Variants in DPYSL5 observed in about 807,000 individuals in gnomAD.
DPYSL5 encodes the protein dihydropyrimidinase like 5.
DPYSL5 carries 9 observed loss-of-function variants against 58.4 expected under a neutral mutation model. The observed-to-expected ratio is 0.15, with a 90% CI of 0.09 to 0.27. The LOEUF is 0.27. Among genes scored for constraint, DPYSL5 ranks in the 10% least tolerant of loss-of-function variants. The probability of loss-of-function intolerance (pLI) is 1.00; values close to 1 mark genes in which losing one functional copy is unlikely to be tolerated. For missense variants in DPYSL5, 499 were observed against 770.6 expected, an observed-to-expected ratio of 0.65 and a Z score of 4.17; for synonymous variants, 293 against 301.9, an observed-to-expected ratio of 0.97 and a Z score of 0.31.
chr2:26,850,783 T>C (rs1419944041), intron 1 of DPYSL5, among the ~76,000 whole-genome samples: 3 of 152,156 alleles, frequency 2.0e-5, no homozygotes, highest in Non-Finnish European at 4.4e-5. Context: ...AGGCCTCTTG[T>C]CTGAGTGTCC....
chr2:26,906,397 T>C (rs1664292314), intron 2 of DPYSL5, among the ~76,000 whole-genome samples: 1 of 152,076 alleles, frequency 6.6e-6, no homozygotes, highest in Non-Finnish European at 1.5e-5. Flanking sequence ...TTGGCCAGGA[T>C]GGTCTCTATC....
intron 1 of DPYSL5, among the ~76,000 whole-genome samples, chr2:26,870,447 T>G (rs779016981): frequency 6.6e-6 from 1 of 152,218 alleles, no homozygotes; most frequent in South Asian, 2.1e-4. Context: ...CACTGCAAAT[T>G]GTTTACAACT....
intron 1 of DPYSL5, among the ~76,000 whole-genome samples, chr2:26,895,879 T>C (rs1475668169): frequency 6.6e-6 from 1 of 151,068 alleles, no homozygotes; most frequent in East Asian, 1.9e-4. Flanking sequence ...CTCCCCGGTT[T>C]AAGCAATTCT....
At chr2:26,889,414 C>T (rs1473731381) in intron 1 of DPYSL5, among the ~76,000 whole-genome samples, 3 of 152,020 alleles carry the variant, frequency 2.0e-5, no homozygotes, top group South Asian at 2.1e-4. Flanking sequence ...GGACTACAGG[C>T]GCCAGCCACC....
chr2:26,848,157 T>C lies in DPYSL5; in HGVS notation c.-102T>C, dbSNP rs1665644959. ...GAGGCGGCCCCCGAGCGAGCGCGCGTGCAGCCGCCGCCGCCCCGAGCACCC... is the reference window on the plus strand; with the variant it reads ...GAGGCGGCCCCCGAGCGAGCGCGCGCGCAGCCGCCGCCGCCCCGAGCACCC... On this transcript the variant is annotated 5_prime_UTR_variant, in exon 1 of 13. Coordinates refer to ENST00000288699, the MANE Select transcript of DPYSL5 (RefSeq NM_020134.4). 1 of 151,040 alleles carries C rather than the reference T, an allele frequency of 6.6e-6. No individual in the cohort carries two copies. The highest frequency in any genetic ancestry group is 2.4e-5 in the African/African-American group (1 of 41,136). 9.4% of individuals were successfully genotyped at this position (151,040 alleles called of 1,614,324 possible).
upstream of DPYSL5, chr2:26,848,029 G>C (rs1665638838): frequency 1.3e-5 from 2 of 152,000 alleles, no homozygotes; most frequent in Admixed American, 6.5e-5. Flanking sequence ...GGTGGGGAGC[G>C]GCGGGAGGAG....
chr2:26,890,248 C>T (rs772090759), intron 1 of DPYSL5, among the ~76,000 whole-genome samples: 10 of 152,302 alleles, frequency 6.6e-5, no homozygotes, highest in Non-Finnish European at 1.0e-4. Context: ...TCTCTTGCTC[C>T]GCAGACTGAG....
At position 26,945,523 on chromosome 2, in the gene DPYSL5, C is replaced by T. The variant is rs1299300221; in HGVS notation, c.1609+699C>T. 2.0e-5 allele frequency among the ~76,000 whole-genome samples: 3 copies of T among 150,770 alleles called. No homozygotes were observed. The East Asian group carries it at 5.9e-4, about 30-fold the overall frequency. On this transcript the variant is annotated intron_variant, in intron 12 of 12. Coordinates refer to ENST00000288699, the MANE Select transcript of DPYSL5 (RefSeq NM_020134.4). ...TCCCGCCCCCCCGTCCCCCCCCGCA[C>T]CCATCACCATGCGAGCCACGGGCTC...
chr2:26,864,716 C>T (rs1462775394), intron 1 of DPYSL5, among the ~76,000 whole-genome samples: 1 of 152,178 alleles, frequency 6.6e-6, no homozygotes, highest in Non-Finnish European at 1.5e-5. Context: ...GAGTGTGAAG[C>T]TGCAGGAAGG....
At chr2:26,863,334 G>C (rs942519141) in intron 1 of DPYSL5, among the ~76,000 whole-genome samples, 4 of 152,318 alleles carry the variant, frequency 2.6e-5, no homozygotes, top group African/African-American at 9.6e-5. Context: ...CCAGGAGTGT[G>C]GGACAGTCTT....
intron 2 of DPYSL5, among the ~76,000 whole-genome samples, chr2:26,920,670 C>A (rs985457300): frequency 6.6e-5 from 10 of 152,180 alleles, no homozygotes; most frequent in Non-Finnish European, 1.3e-4. Flanking sequence ...GAGGCTGAGG[C>A]AGGAGAATCA....
chr2:26,890,432 G>A (rs149788405), intron 1 of DPYSL5, among the ~76,000 whole-genome samples: 59 of 152,304 alleles, frequency 3.9e-4, no homozygotes, highest in Admixed American at 1.9e-3. Flanking sequence ...ACTGTGCTAC[G>A]ATATTATCCA....
At chr2:26,946,308 C>T (rs1665482227) in intron 12 of DPYSL5, among the ~76,000 whole-genome samples, 1 of 152,194 alleles carries the variant, frequency 6.6e-6, no homozygotes, top group Non-Finnish European at 1.5e-5. Context: ...CTCCTCTCTA[C>T]CCCAAATCTT....
chr2:26,906,017 G>A (rs1664278793), intron 2 of DPYSL5, among the ~76,000 whole-genome samples: 1 of 151,500 alleles, frequency 6.6e-6, no homozygotes, highest in Non-Finnish European at 1.5e-5. Context: ...TGAGGTCCCT[G>A]TTTCCTTGTT....
At chr2:26,890,128 G>A (rs1663837283) in intron 1 of DPYSL5, among the ~76,000 whole-genome samples, 1 of 152,148 alleles carries the variant, frequency 6.6e-6, no homozygotes, top group Non-Finnish European at 1.5e-5. Flanking sequence ...TCTGTAACAT[G>A]GGGAAAGATA....
At position 26,934,550 on chromosome 2, in the gene DPYSL5, G is replaced by A; in HGVS notation, c.791-28G>A. 1 of 1,604,466 alleles carries A rather than the reference G, an allele frequency of 6.2e-7. No homozygotes were observed. The highest frequency in any genetic ancestry group is 8.5e-7 in the Non-Finnish European group (1 of 1,174,948). The stretch of plus-strand genomic sequence containing the variant: ...ATCGCTCAGGTTCGGTGGCTTCCTG[G>A]TTATGGTTCTGACCTTTCTTCTTCC... On this transcript the variant is annotated intron_variant, in intron 7 of 12. Coordinates refer to ENST00000288699, the MANE Select transcript of DPYSL5 (RefSeq NM_020134.4). The surrounding 1 kb of genome is among the most constrained non-coding windows in gnomAD (Gnocchi z 4.3).
intron 1 of DPYSL5, among the ~76,000 whole-genome samples, chr2:26,853,025 A>G (rs1665794378): frequency 6.6e-6 from 1 of 152,198 alleles, no homozygotes. Flanking sequence ...AACAGTGGGA[A>G]CACAAGGAAT....
At chr2:26,911,291 A>T (rs1363736811) in intron 2 of DPYSL5, among the ~76,000 whole-genome samples, 2 of 152,140 alleles carry the variant, frequency 1.3e-5, no homozygotes, top group Admixed American at 6.5e-5. Context: ...CGGGCAGTGT[A>T]TGTCTTCCAA....
chr2:26,916,763 C>T (rs977129505), intron 2 of DPYSL5, among the ~76,000 whole-genome samples: 3 of 152,152 alleles, frequency 2.0e-5, no homozygotes, highest in Non-Finnish European at 2.9e-5. Flanking sequence ...CCATCCGCAT[C>T]GAGGAATACT....
Sources: gnomAD v4.1 joint callset for allele counts (sites outside exome capture counted in the v4.1 genomes callset) on GRCh38, gnomAD v4.1.1 for gene constraint, Gnocchi (gnomAD v3.1) non-coding constraint, MANE v1.5 for transcripts, NCBI Gene and HGNC (gene_info 2026-07-23, HGNC 2026-07-21) for gene names.